The following NEK10 variants were observed in gnomAD, a reference collection of about 807,000 sequenced individuals.
NEK10 encodes the protein NIMA related kinase 10, also known as serine/threonine-protein kinase Nek10.
Under a neutral mutation model 159.8 loss-of-function variants are expected in NEK10, and 122 were observed. The observed-to-expected ratio is 0.76, with a 90% CI of 0.66 to 0.89. The LOEUF is 0.89. Ranked by LOEUF, NEK10 falls within the 40% of genes least tolerant of loss-of-function variation. The pLI is 0.00. For synonymous variants in NEK10, 466 were observed against 457.1 expected (o/e 1.02, Z -0.25); for missense variants, 1,342 against 1,323.1 (o/e 1.01, Z -0.22).
intron 5 of NEK10, among the ~76,000 whole-genome samples, chr3:27,331,316 C>G (rs1386910144): frequency 1.3e-5 from 2 of 149,436 alleles, no homozygotes; most frequent in East Asian, 3.9e-4. Flanking sequence ...TGTGCCCAGT[C>G]TATGGTGCTA....
chr3:27,205,393 T>C (rs1252149403), intron 23 of NEK10, among the ~76,000 whole-genome samples: 1 of 125,648 alleles, frequency 8.0e-6, no homozygotes, highest in Non-Finnish European at 1.7e-5. Flanking sequence ...AGAGCCCGCA[T>C]CGCCAAGTCA....
At chr3:27,183,757 A>G (rs896054498) in intron 26 of NEK10, among the ~76,000 whole-genome samples, 1 of 152,144 alleles carries the variant, frequency 6.6e-6, no homozygotes, top group African/African-American at 2.4e-5. Flanking sequence ...AATCCAATAA[A>G]ATCACAGGCG....
At chr3:27,232,282 GA>G (rs1218071655) in intron 23 of NEK10, among the ~76,000 whole-genome samples, 1 of 151,760 alleles carries the variant, frequency 6.6e-6, no homozygotes, top group Non-Finnish European at 1.5e-5. Flanking sequence ...ACCAAGCTGA[GA>G]ATCAAATCAA....
At chr3:27,344,398 T>A (rs1217700176) in intron 4 of NEK10, 28 bp from the exon 5 acceptor site, 1 of 1,201,454 alleles carries the variant, frequency 8.3e-7, no homozygotes. Flanking sequence ...GAAAAGGATT[T>A]TGTAATAGAG....
intron 30 of NEK10, chr3:27,143,524 T>A: frequency 1.4e-6 from 1 of 736,212 alleles, no homozygotes; most frequent in Non-Finnish European, 2.5e-6. Flanking sequence ...TCTGAATTAA[T>A]CAACTATGCA....
At chr3:27,305,792 A>C (rs1274714997) in intron 11 of NEK10, among the ~76,000 whole-genome samples, 1 of 152,150 alleles carries the variant, frequency 6.6e-6, no homozygotes, top group Non-Finnish European at 1.5e-5. Flanking sequence ...TTGATGGTAA[A>C]GACACAAGGT....
chr3:27,183,286 T>C (rs1042007607), intron 26 of NEK10, among the ~76,000 whole-genome samples: 1 of 150,966 alleles, frequency 6.6e-6, no homozygotes, highest in African/African-American at 2.4e-5. Flanking sequence ...AGTAAGTAGA[T>C]CTACATATAT....
intron 22 of NEK10, among the ~76,000 whole-genome samples, chr3:27,272,932 C>A (rs1166307368): frequency 6.6e-6 from 1 of 151,716 alleles, no homozygotes; most frequent in Non-Finnish European, 1.5e-5. Flanking sequence ...TCTCTGCCCC[C>A]CAACTGCTTC....
chr3:27,232,103 C>A lies in NEK10; in HGVS notation c.2090+24193G>T, dbSNP rs569579616. Reference sequence around the variant, plus strand: ...AACTTCTCAATAAAATACTAGCTAACCAAATCCAACAGCATATCAAAAAGA... The same window carrying A: ...AACTTCTCAATAAAATACTAGCTAAACAAATCCAACAGCATATCAAAAAGA... On this transcript the variant is annotated intron_variant, in intron 23 of 35. Coordinates refer to ENST00000691995, the MANE Select transcript of NEK10 (RefSeq NM_001394966.1). Among the ~76,000 whole-genome samples, 4 of 151,840 alleles carry A rather than the reference C, an allele frequency of 2.6e-5. No individual in the cohort carries two copies. The South Asian group carries it at 8.3e-4, about 31-fold the overall frequency.
intron 12 of NEK10, among the ~76,000 whole-genome samples, chr3:27,303,385 A>T (rs1308318372): frequency 6.6e-6 from 1 of 152,174 alleles, no homozygotes; most frequent in Non-Finnish European, 1.5e-5. Context: ...GTTCTCCAAG[A>T]GGGCAACCCA....
chr3:27,162,129 T>G, intron 30 of NEK10: 1 of 251,972 alleles, frequency 4.0e-6, no homozygotes. Context: ...AGGTGTAGAG[T>G]TTACAGAAAT....
Position 27,347,069 on chromosome 3 carries a change from T to C in NEK10, c.133-853A>G, listed in dbSNP as rs1346540883. Among the ~76,000 whole-genome samples the C allele has an allele frequency of 2.6e-5, 4 of 152,296 alleles. No individual in the cohort carries two copies. In the South Asian group the frequency reaches 8.3e-4, roughly 32 times the overall value. ...GTACAAATGAAGGACGTTCTATAAT[T>C]AGCTAAATTATTACAGATGAGGTAA... On this transcript the variant is annotated intron_variant, in intron 3 of 35. Coordinates refer to ENST00000691995, the MANE Select transcript of NEK10 (RefSeq NM_001394966.1).
chr3:27,291,548 A>G lies in NEK10; in HGVS notation c.1412T>C (p.Ile471Thr), dbSNP rs756590970. Residue 471 changes from isoleucine (I) to threonine (T), a missense_variant, in exon 17 of 36, where the codon ATA becomes ACA. By Grantham distance (89) the Ile-to-Thr change is moderately conservative. Transcript: ENST00000691995. ...ACTGATATCACGTACATAATGCCCT[A>G]TGTCAATGAAGATCTCAAACAAGTC... ...PTDLFEIFID[I>T]GHYVRDISAY... 3 of 1,609,792 alleles carry G rather than the reference A, an allele frequency of 1.9e-6. No homozygotes were observed. The highest frequency in any genetic ancestry group is 2.7e-5 in the African/African-American group (2 of 74,882).
chr3:27,265,993 A>G (rs995232400), intron 22 of NEK10, among the ~76,000 whole-genome samples: 2 of 151,506 alleles, frequency 1.3e-5, no homozygotes, highest in Non-Finnish European at 2.9e-5. Context: ...ATTTTTAGTA[A>G]AGACGGGGTT....
At chr3:27,181,903 G>C (rs1948147713) in intron 26 of NEK10, among the ~76,000 whole-genome samples, 2 of 151,910 alleles carry the variant, frequency 1.3e-5, no homozygotes, top group African/African-American at 2.4e-5. Context: ...TTAAAACAAG[G>C]GGTAAAAATA....
intron 12 of NEK10, 22 bp downstream of exon 12, chr3:27,304,725 G>GCC (rs749898623): frequency 1.6e-5 from 24 of 1,532,964 alleles, no homozygotes; most frequent in Non-Finnish European, 2.2e-5. Flanking sequence ...GGCAAAGTAG[G>GCC]CCAAAGCCCA....
intron 20 of NEK10, among the ~76,000 whole-genome samples, chr3:27,286,950 AAT>A (rs550123399): frequency 1.0e-3 from 155 of 152,166 alleles, no homozygotes; most frequent in South Asian, 2.9e-3. Flanking sequence ...CAAATGGCAA[AAT>A]ACACACACAA....
intron 26 of NEK10, among the ~76,000 whole-genome samples, chr3:27,180,171 C>T (rs910061067): frequency 4.0e-5 from 6 of 149,210 alleles, no homozygotes; most frequent in African/African-American, 9.9e-5. Flanking sequence ...AAAAGTGGAC[C>T]GATCATTTGA....
Position 27,369,175 on chromosome 3 carries a change from G to A in NEK10, c.-38+50C>T, listed in dbSNP as rs2049328973. The stretch of plus-strand genomic sequence containing the variant: ...CTGAGGACGTCTCCCCGGAGACCCT[G>A]ACTCAAGCTGCTCGCCGGCACAGCC... On this transcript the variant is annotated intron_variant, in intron 1 of 35. Coordinates refer to ENST00000691995, the MANE Select transcript of NEK10 (RefSeq NM_001394966.1). The surrounding 1 kb of genome is among the most constrained non-coding windows in gnomAD (Gnocchi z 4.2). 1 of 152,274 alleles carries A rather than the reference G, an allele frequency of 6.6e-6. No individual in the cohort carries two copies. The highest frequency in any genetic ancestry group is 1.5e-5 in the Non-Finnish European group (1 of 68,116). The allele number at this position is 152,274 out of a possible 1,614,324, so 9.4% of individuals were successfully genotyped here. A position where few individuals can be genotyped will look rare whatever the true frequency, so the allele number is the denominator to read the frequency against.
Sources: gnomAD v4.1 joint callset for allele counts (sites outside exome capture counted in the v4.1 genomes callset) on GRCh38, gnomAD v4.1.1 for gene constraint, Gnocchi (gnomAD v3.1) non-coding constraint, MANE v1.5 for transcripts, NCBI Gene and HGNC (gene_info 2026-07-23, HGNC 2026-07-21) for gene names.